ZNF695: variants seen among roughly 807,000 people sequenced by gnomAD.
ZNF695 encodes zinc finger protein 695, also known as zinc finger protein SBZF3.
ZNF695 carries 11 observed loss-of-function variants against 11.2 expected under a neutral mutation model. The observed-to-expected ratio is 0.98, with a 90% CI of 0.62 to 1.62. The LOEUF is 1.62. Ranked by LOEUF, ZNF695 falls within the 40% of genes most tolerant of loss-of-function variation. ZNF695 has a pLI of 0.00. For missense variants in ZNF695, 559 were observed against 590.5 expected, an observed-to-expected ratio of 0.95 and a Z score of 0.55; for synonymous variants, 190 against 201.4, an observed-to-expected ratio of 0.94 and a Z score of 0.48.
downstream of ZNF695, among the ~76,000 whole-genome samples, chr1:246,983,558 C>T (rs1015021630): frequency 6.6e-6 from 1 of 152,132 alleles, no homozygotes; most frequent in African/African-American, 2.4e-5. Context: ...GTGGCTCATG[C>T]CTGTAATCCC....
intron 5 of ZNF695, among the ~76,000 whole-genome samples, chr1:246,955,198 C>A (rs1027504423): frequency 1.3e-5 from 2 of 152,152 alleles, no homozygotes; most frequent in Non-Finnish European, 2.9e-5. Flanking sequence ...TCCATTAAAC[C>A]TCTTTTTCTT....
At chr1:246,989,894 G>T (rs999352691) in intron 3 of ZNF695, among the ~76,000 whole-genome samples, 4 of 152,112 alleles carry the variant, frequency 2.6e-5, no homozygotes, top group Non-Finnish European at 1.5e-5. Flanking sequence ...CCAGCTACCT[G>T]AGAGGCTGAG....
intron 3 of ZNF695, among the ~76,000 whole-genome samples, chr1:246,988,544 A>C (rs1158728487): frequency 3.9e-5 from 6 of 152,194 alleles, no homozygotes; most frequent in Non-Finnish European, 8.8e-5. Context: ...GAGTGGTATG[A>C]CATACTTAAA....
At chr1:246,994,508 T>C (rs1318052537) in intron 3 of ZNF695, among the ~76,000 whole-genome samples, 1 of 150,654 alleles carries the variant, frequency 6.6e-6, no homozygotes, top group African/African-American at 2.5e-5. Flanking sequence ...GCCACTCCAC[T>C]CCAGCCTGGG....
chr1:246,984,527 T>A (rs1041075126), downstream of ZNF695, among the ~76,000 whole-genome samples: 3 of 152,218 alleles, frequency 2.0e-5, no homozygotes, highest in African/African-American at 7.2e-5. Context: ...GAATATTTAT[T>A]GTTAATTATG....
chr1:247,007,946 A>G lies in ZNF695; in HGVS notation c.-38T>C. ...GGGGGTCCCAGCGTCCTCCCTATAA[A>G]TCTCGCAATACCTGCAGGCCACAGG... is the stretch of plus-strand genomic sequence containing the variant. On this transcript the variant is annotated 5_prime_UTR_variant, in exon 1 of 4. Transcript: ENST00000339986. 2 of 1,491,230 alleles carry G rather than the reference A, an allele frequency of 1.3e-6. No individual in the cohort carries two copies. Among genetic ancestry groups the G allele is most frequent in the Non-Finnish European group, 1.8e-6 (2 of 1,110,254 alleles). The allele number at this position is 1,491,230 out of a possible 1,614,324, so 92.4% of individuals were successfully genotyped here.
rs1301685953 is a variant in ZNF695 at position 246,987,005 on chromosome 1, A to C, written c.1510T>G (p.Ser504Ala). The C allele has an allele frequency of 6.2e-7, 1 of 1,603,726 alleles. No homozygotes were observed. Among genetic ancestry groups the C allele is most frequent in the East Asian group, 2.2e-5 (1 of 44,808 alleles). Reference protein sequence around the residue: ...CEECGKAFNHSAQLAVHEKTH... With the variant: ...CEECGKAFNHAAQLAVHEKTH... Reference sequence around the variant, plus strand: ...TTCTCATGTACAGCAAGTTGTGCAGAGTGGTTAAAGGCTTTGCCACATTCC... The same window carrying C: ...TTCTCATGTACAGCAAGTTGTGCAGCGTGGTTAAAGGCTTTGCCACATTCC... Residue 504 changes from serine (S) to alanine (A), a missense_variant, in exon 4 of 4, where the codon TCT (serine) becomes GCT (alanine). Coordinates refer to ENST00000339986, the MANE Select transcript of ZNF695 (RefSeq NM_020394.5).
intron 4 of ZNF695, among the ~76,000 whole-genome samples, chr1:246,975,338 ATT>A (rs1184984992): frequency 1.3e-5 from 2 of 152,208 alleles, no homozygotes; most frequent in Non-Finnish European, 2.9e-5. Flanking sequence ...TTTATTGTGA[ATT>A]TATTGGATAG....
intron 3 of ZNF695, among the ~76,000 whole-genome samples, chr1:246,993,512 G>A (rs908837441): frequency 2.0e-5 from 3 of 152,140 alleles, no homozygotes; most frequent in Non-Finnish European, 2.9e-5. Flanking sequence ...TGGTCAACTG[G>A]TGTCAGAATT....
intron 4 of ZNF695, among the ~76,000 whole-genome samples, chr1:246,970,214 G>T (rs1015448548): frequency 2.6e-5 from 4 of 152,208 alleles, no homozygotes; most frequent in African/African-American, 4.8e-5. Context: ...GATTGAGACA[G>T]ATGTTCCCCT....
At chr1:246,952,111 G>A (rs141311136) in intron 5 of ZNF695, among the ~76,000 whole-genome samples, 246 of 152,134 alleles carry the variant, frequency 1.6e-3, no homozygotes, top group African/African-American at 5.6e-3. Flanking sequence ...ACCACATCTG[G>A]CTAATTTTTG....
chr1:246,955,861 C>T (rs1667981420), intron 5 of ZNF695, among the ~76,000 whole-genome samples: 1 of 152,152 alleles, frequency 6.6e-6, no homozygotes, highest in African/African-American at 2.4e-5. Flanking sequence ...CTCACAAGAA[C>T]TCCCTGGGTA....
Position 246,986,387 on chromosome 1 carries a change from T to A in ZNF695, c.*580A>T, listed in dbSNP as rs1572524547. On this transcript the variant is annotated 3_prime_UTR_variant, in exon 4 of 4. Coordinates refer to ENST00000339986, the MANE Select transcript of ZNF695 (RefSeq NM_020394.5). ...CTGGCACCAAAAGGTATACTTGAAA[T>A]GTAATTATAACTTCCCCAAAAGGTG... 6 of 985,554 alleles carry A rather than the reference T, an allele frequency of 6.1e-6. No homozygotes were observed. In the South Asian group the frequency reaches 2.3e-4, roughly 39 times the overall value. The allele number at this position is 985,554 out of a possible 1,614,324, so 61.1% of individuals were successfully genotyped here.
chr1:246,988,331 CA>C, intron 3 of ZNF695, 76 bp from the exon 4 acceptor site: 1 of 1,120,134 alleles, frequency 8.9e-7, no homozygotes, highest in Non-Finnish European at 1.2e-6. Context: ...TAAAATTATA[CA>C]AGCATATTAG....
At chr1:246,964,989 T>A (rs1668250700) in intron 5 of ZNF695, among the ~76,000 whole-genome samples, 1 of 152,178 alleles carries the variant, frequency 6.6e-6, no homozygotes, top group African/African-American at 2.4e-5. Flanking sequence ...TCTGCCCTCA[T>A]GAATGGATTA....
chr1:247,006,689 T>C (rs779316428), intron 1 of ZNF695, among the ~76,000 whole-genome samples: 2 of 152,192 alleles, frequency 1.3e-5, no homozygotes, highest in Non-Finnish European at 2.9e-5. Flanking sequence ...AGTTAGCATT[T>C]GGGAATGTAG....
intron 4 of ZNF695, among the ~76,000 whole-genome samples, chr1:246,976,367 G>T (rs1181387570): frequency 1.3e-5 from 2 of 152,134 alleles, no homozygotes; most frequent in Non-Finnish European, 2.9e-5. Context: ...ATCCCTGTAG[G>T]TATATGTGCT....
intron 3 of ZNF695, among the ~76,000 whole-genome samples, chr1:246,988,907 A>G (rs10924883): frequency 0.88 from 132,829 of 151,802 alleles, 58,256 homozygotes; most frequent in East Asian, 0.99. Context: ...TGGCCAACAC[A>G]GTGAAACCCC....
rs1468763158 is a variant in ZNF695, at chr1:247,007,835, G to C, written c.3+71C>G. The C allele has an allele frequency of 2.7e-6, 4 of 1,473,586 alleles. No homozygotes were observed. The African/African-American group carries it at 4.3e-5, about 16-fold the overall frequency. The allele number at this position is 1,473,586 out of a possible 1,614,324, so 91.3% of individuals were successfully genotyped here. On this transcript the variant is annotated intron_variant, in intron 1 of 3. Coordinates refer to ENST00000339986, the MANE Select transcript of ZNF695 (RefSeq NM_020394.5). ...GGGAGGCCCGGGGCCGCCAGCGCTG[G>C]TTCCAGCCAATTCCAACCGATTCCA...
Sources: gnomAD v4.1 joint callset for allele counts (sites outside exome capture counted in the v4.1 genomes callset) on GRCh38, gnomAD v4.1.1 for gene constraint, MANE v1.5 for transcripts, NCBI Gene and HGNC (gene_info 2026-07-23, HGNC 2026-07-21) for gene names.